Variants in RPS6KA2 observed in about 807,000 individuals in gnomAD.
RPS6KA2 encodes ribosomal protein S6 kinase alpha-2.
A neutral mutation model predicts 91.8 loss-of-function variants in RPS6KA2; 42 were observed. That is an observed-to-expected ratio of 0.46 (90% CI 0.36 to 0.59). The LOEUF is 0.59. RPS6KA2 is among the 20% of genes least tolerant of loss of function. RPS6KA2 has a pLI of 0.00. For missense variants in RPS6KA2, 798 were observed against 978.5 expected (o/e 0.82, Z 2.46); for synonymous variants, 414 against 393.6 (o/e 1.05, Z -0.61).
intron 2 of RPS6KA2, among the ~76,000 whole-genome samples, chr6:166,714,427 T>C (rs1352191210): frequency 6.6e-6 from 1 of 152,180 alleles, no homozygotes; most frequent in Non-Finnish European, 1.5e-5. Flanking sequence ...TTGTATACCC[T>C]CAAAAAGATG....
At chr6:166,695,285 G>C (rs905967709) in intron 2 of RPS6KA2, among the ~76,000 whole-genome samples, 3 of 152,176 alleles carry the variant, frequency 2.0e-5, no homozygotes, top group Non-Finnish European at 4.4e-5. Flanking sequence ...CAGCCCGCTT[G>C]AAGAATACCC....
At chr6:166,779,456 C>A (rs1778709713) in intron 2 of RPS6KA2, among the ~76,000 whole-genome samples, 1 of 152,164 alleles carries the variant, frequency 6.6e-6, no homozygotes, top group South Asian at 2.1e-4. Flanking sequence ...CCGGGCTTCA[C>A]AAGATGACTG....
chr6:166,799,874 G>T (rs1779319585), intron 2 of RPS6KA2, among the ~76,000 whole-genome samples: 1 of 152,070 alleles, frequency 6.6e-6, no homozygotes, highest in Non-Finnish European at 1.5e-5. Flanking sequence ...AGTGTACACA[G>T]CAGCTGATGT....
intron 2 of RPS6KA2, chr6:166,757,423 C>A: frequency 2.3e-6 from 1 of 436,786 alleles, no homozygotes; most frequent in Non-Finnish European, 4.6e-6. Context: ...CAGAAAACAG[C>A]TTGCCCCTGG....
rs1401611926 is a variant in RPS6KA2 at position 166,862,294 on chromosome 6, G to T, written c.-124C>A. ...GAAGCCAAGGGACGCAGAGGCCGGC[G>T]GGTGGCGGCGATGGAGAGGACAGAT... On this transcript the variant is annotated 5_prime_UTR_variant, in exon 1 of 22. Transcript: ENST00000503859. 2.5e-6 allele frequency: 4 copies of T among 1,569,092 alleles called. No individual in the cohort carries two copies. In the African/African-American group the frequency reaches 5.4e-5, roughly 21 times the overall value.
chr6:166,637,491 G>A (rs995649102), intron 2 of RPS6KA2, among the ~76,000 whole-genome samples: 7 of 152,220 alleles, frequency 4.6e-5, no homozygotes, highest in African/African-American at 1.7e-4. Flanking sequence ...GGGGGAGAGG[G>A]TGGTAGGGGA....
At chr6:166,723,699 C>T (rs980735040) in intron 2 of RPS6KA2, among the ~76,000 whole-genome samples, 7 of 146,218 alleles carry the variant, frequency 4.8e-5, no homozygotes, top group African/African-American at 1.6e-4. Context: ...TTTTTCTTTT[C>T]TTTTCTTTTT....
chr6:166,765,100 C>G (rs1056045147), intron 2 of RPS6KA2, among the ~76,000 whole-genome samples: 1 of 135,434 alleles, frequency 7.4e-6, no homozygotes, highest in Non-Finnish European at 1.5e-5. Context: ...ACAGCCACCA[C>G]GCTGAACAAG....
intron 1 of RPS6KA2, among the ~76,000 whole-genome samples, chr6:166,548,885 G>A (rs1470570272): frequency 6.6e-6 from 1 of 152,208 alleles, no homozygotes; most frequent in East Asian, 1.9e-4. Context: ...CTGTGAAGGA[G>A]ATGAAAAGAC....
chr6:166,430,483 G>A lies in RPS6KA2; in HGVS notation c.1551C>T (p.Thr517=), dbSNP rs1427280267. Residue 517 remains threonine, a synonymous_variant, in exon 16 of 21, where the codon ACC becomes ACT. Transcript: ENST00000265678. ...REASDVLCTI[T]KTMDYLHSQG... ...GGGAATGGAGGTAGTCCATGGTCTT[G>A]GTGATGGTGCACAGGACGTCACTGG... 6.2e-7 allele frequency: 1 copy of A among 1,613,802 alleles called. No individual in the cohort carries two copies. The highest frequency in any genetic ancestry group is 1.3e-5 in the African/African-American group (1 of 74,924).
intron 2 of RPS6KA2, among the ~76,000 whole-genome samples, chr6:166,854,457 G>T (rs79374800): frequency 1.0e-4 from 15 of 150,114 alleles, no homozygotes; most frequent in Non-Finnish European, 2.1e-4. Context: ...CACCTCCTGC[G>T]CTCCTCCAGG....
intron 1 of RPS6KA2, among the ~76,000 whole-genome samples, chr6:166,600,489 TAAATTCAC>T: frequency 6.6e-6 from 1 of 152,256 alleles, no homozygotes; most frequent in Non-Finnish European, 1.5e-5. Flanking sequence ...TCTTCCGATC[TAAATTCAC>T]CTGGTTTCCC....
At chr6:166,691,910 A>T (rs764454610) in intron 2 of RPS6KA2, among the ~76,000 whole-genome samples, 4 of 152,192 alleles carry the variant, frequency 2.6e-5, no homozygotes, top group Non-Finnish European at 5.9e-5. Context: ...ATGAGAGCTC[A>T]AGAAGCACGT....
chr6:166,487,970 T>G (rs1781464755), intron 10 of RPS6KA2, among the ~76,000 whole-genome samples: 1 of 152,194 alleles, frequency 6.6e-6, no homozygotes, highest in South Asian at 2.1e-4. Flanking sequence ...TGGGTCCTTC[T>G]TTCTTTGGGG....
Position 166,508,319 on chromosome 6 carries a change from C to T in RPS6KA2, c.380-37G>A, listed in dbSNP as rs767399930. 42 of 1,365,944 alleles carry T rather than the reference C, an allele frequency of 3.1e-5. No homozygotes were observed. Among genetic ancestry groups the T allele is most frequent in the Non-Finnish European group, 4.1e-5 (39 of 955,128 alleles). 84.6% of individuals were successfully genotyped at this position (1,365,944 alleles called of 1,614,324 possible). On this transcript the variant is annotated intron_variant, in intron 4 of 20. Coordinates refer to ENST00000265678, the MANE Select transcript of RPS6KA2 (RefSeq NM_021135.6). This position sits in a 1 kb window ranked among gnomAD's most constrained non-coding sequence, Gnocchi z 4.3. ...AGAGACCCGCATTTTGACAGCTTGT[C>T]GAATGTCCTGTGGCAACATCGCTCT...
intron 2 of RPS6KA2, among the ~76,000 whole-genome samples, chr6:166,764,746 G>A (rs796433263): frequency 6.6e-5 from 10 of 152,338 alleles, no homozygotes; most frequent in East Asian, 3.9e-4. Flanking sequence ...AGGAAGACGC[G>A]CCACAGGGAC....
intron 2 of RPS6KA2, among the ~76,000 whole-genome samples, chr6:166,772,794 C>A (rs1562430879): frequency 6.6e-6 from 1 of 152,162 alleles, no homozygotes; most frequent in East Asian, 1.9e-4. Context: ...CATAAAAAGA[C>A]ACATTACTAA....
chr6:166,675,582 G>A (rs1326839229), intron 2 of RPS6KA2, among the ~76,000 whole-genome samples: 1 of 151,916 alleles, frequency 6.6e-6, no homozygotes, highest in Non-Finnish European at 1.5e-5. Context: ...CCACAGCCAT[G>A]GACAACATGC....
At position 166,770,732 on chromosome 6, in the gene RPS6KA2, A is replaced by C. The variant is rs867996194; in HGVS notation, c.123+87468T>G. 2 of 854,076 alleles carry C rather than the reference A, an allele frequency of 2.3e-6. No individual in the cohort carries two copies. The highest frequency in any genetic ancestry group is 4.7e-4 in the Middle Eastern group (2 of 4,286). 52.9% of individuals were successfully genotyped at this position (854,076 alleles called of 1,614,324 possible). A position where few individuals can be genotyped will look rare whatever the true frequency, so the allele number is the denominator to read the frequency against. On this transcript the variant is annotated intron_variant, in intron 2 of 21. Transcript: ENST00000503859. This position sits in a 1 kb window ranked among gnomAD's most constrained non-coding sequence, Gnocchi z 5.1. ...GTCCAGCCTTCTAAAAGCTCTTCGC[A>C]CCTTGCCTTGCTGGACTCCGGGCAC...
Sources: gnomAD v4.1 joint callset for allele counts (sites outside exome capture counted in the v4.1 genomes callset) on GRCh38, gnomAD v4.1.1 for gene constraint, Gnocchi (gnomAD v3.1) non-coding constraint, MANE v1.5 for transcripts, NCBI Gene and HGNC (gene_info 2026-07-23, HGNC 2026-07-21) for gene names.